ASB5: variants seen among roughly 807,000 people sequenced by gnomAD.
ASB5 encodes ankyrin repeat and SOCS box containing 5.
Under a neutral mutation model 42.1 loss-of-function variants are expected in ASB5, and 45 were observed. That is an observed-to-expected ratio of 1.07 (90% CI 0.84 to 1.37). ASB5 has a LOEUF of 1.37. Ranked by LOEUF, ASB5 falls within the 40% of genes most tolerant of loss-of-function variation. The pLI is 0.00. For missense variants in ASB5, 402 were observed against 399.8 expected (o/e 1.01, Z -0.05); for synonymous variants, 147 against 150.6 (o/e 0.98, Z 0.18).
In ASB5 at chr4:176,214,943, G is replaced by A. The variant is rs1040194738; in HGVS notation, c.*657C>T. ...TGTTCTAAATATCTCAGGGTGAGAG[G>A]GCAGTATTGACCTTTCATCCTATCA... On this transcript the variant is annotated 3_prime_UTR_variant, in exon 7 of 7. Transcript: ENST00000296525. 6.6e-6 allele frequency: 1 copy of A among 151,610 alleles called. No individual in the cohort carries two copies. Among genetic ancestry groups the A allele is most frequent in the Non-Finnish European group, 1.5e-5 (1 of 67,942 alleles). 9.4% of individuals were successfully genotyped at this position (151,610 alleles called of 1,614,324 possible).
intron 1 of ASB5, among the ~76,000 whole-genome samples, chr4:176,249,994 G>A (rs79673114): frequency 0.017 from 2,612 of 150,880 alleles, 82 homozygotes; most frequent in African/African-American, 0.058. Flanking sequence ...TAACCCGGGA[G>A]GCGGAGCTTG....
intron 1 of ASB5, among the ~76,000 whole-genome samples, chr4:176,251,577 A>AGGCTTT (rs1754036703): frequency 7.6e-6 from 1 of 131,154 alleles, no homozygotes; most frequent in African/African-American, 2.9e-5. Flanking sequence ...AAAAAAAAAA[A>AGGCTTT]AAAAAAAAAA....
At chr4:176,226,271 G>A (rs1047829341) in intron 1 of ASB5, among the ~76,000 whole-genome samples, 3 of 152,104 alleles carry the variant, frequency 2.0e-5, no homozygotes, top group Admixed American at 6.5e-5. Flanking sequence ...CACTCTCCTC[G>A]AGTTGGGACA....
At chr4:176,254,463 A>G (rs552292529) in intron 1 of ASB5, among the ~76,000 whole-genome samples, 1 of 152,250 alleles carries the variant, frequency 6.6e-6, no homozygotes, top group South Asian at 2.1e-4. Flanking sequence ...GAATCCTAGA[A>G]TAAAACCTAG....
At chr4:176,269,412 G>T (rs1287706515), upstream of ASB5, among the ~76,000 whole-genome samples, 1 of 152,074 alleles carries the variant, frequency 6.6e-6, no homozygotes, top group Admixed American at 6.5e-5. Flanking sequence ...AAATATATAT[G>T]CATATCCTTT....
chr4:176,215,038 G>C lies in ASB5; in HGVS notation c.*562C>G, dbSNP rs559783117. 287 of 151,038 alleles carry C rather than the reference G, an allele frequency of 1.9e-3. 3 individuals are homozygous for C. Among genetic ancestry groups the C allele is most frequent in the South Asian group, 3.3e-3 (16 of 4,808 alleles). The allele number at this position is 151,038 out of a possible 1,614,324, so 9.4% of individuals were successfully genotyped here. A position where few individuals can be genotyped will look rare whatever the true frequency, so the allele number is the denominator to read the frequency against. ...TGTGAGTCCTTTGCCAGGGGTAAGT[G>C]GGGGAGAGGGGGGCAATTTATCTTT... On this transcript the variant is annotated 3_prime_UTR_variant, in exon 7 of 7. Coordinates refer to ENST00000296525, the MANE Select transcript of ASB5 (RefSeq NM_080874.4).
rs145785774 is a variant in ASB5, at chr4:176,223,090, T to C, written c.277-670A>G. On this transcript the variant is annotated intron_variant, in intron 2 of 6. Transcript: ENST00000296525. ...ACCGCGCCCGGCCAACTTGTTTTGA[T>C]TGAGGCTATAAAATTATAGGTCAGC... Among the ~76,000 whole-genome samples, 562 of 152,274 alleles carry C rather than the reference T, an allele frequency of 3.7e-3. 4 individuals carry two copies. The highest frequency in any genetic ancestry group is 0.013 in the African/African-American group (531 of 41,560).
intron 6 of ASB5, 128 bp from the exon 7 acceptor site, chr4:176,215,855 A>C: frequency 1.3e-6 from 1 of 756,638 alleles, no homozygotes; most frequent in Non-Finnish European, 2.0e-6. Flanking sequence ...TGACCACTAT[A>C]CTAGGGAAAT....
At chr4:176,250,534 AT>A (rs1471414398) in intron 1 of ASB5, among the ~76,000 whole-genome samples, 5 of 152,294 alleles carry the variant, frequency 3.3e-5, no homozygotes, top group South Asian at 2.1e-4. Context: ...GAAAGCCCCA[AT>A]GGCTTTAGAA....
chr4:176,267,546 T>G (rs1385365961), intron 1 of ASB5, among the ~76,000 whole-genome samples: 1 of 152,040 alleles, frequency 6.6e-6, no homozygotes, highest in Admixed American at 6.6e-5. Flanking sequence ...GCCTAGGAGT[T>G]CAAGGATGCA....
chr4:176,242,263 G>A (rs9312595), intron 1 of ASB5, among the ~76,000 whole-genome samples: 125,616 of 152,136 alleles, frequency 0.83, 51,962 homozygotes, highest in Admixed American at 0.84. Context: ...GGTTACTTAT[G>A]CTTGACTTCA....
At chr4:176,223,422 T>G (rs1323106178) in intron 2 of ASB5, among the ~76,000 whole-genome samples, 1 of 152,222 alleles carries the variant, frequency 6.6e-6, no homozygotes, top group Non-Finnish European at 1.5e-5. Context: ...TAAACACTTT[T>G]TCACTGTATT....
chr4:176,215,429 A>G lies in ASB5; in HGVS notation c.*171T>C, dbSNP rs1579304568. On this transcript the variant is annotated 3_prime_UTR_variant, in exon 7 of 7. Transcript: ENST00000296525. ...CTATAATCCAAAGACAGCATAAATGATAAAACAATAGTACTAATACACTTA... is the reference window on the plus strand; with the variant it reads ...CTATAATCCAAAGACAGCATAAATGGTAAAACAATAGTACTAATACACTTA... The G allele has an allele frequency of 5.7e-6, 3 of 526,428 alleles. No homozygotes were observed. Among genetic ancestry groups the G allele is most frequent in the South Asian group, 4.6e-5 (1 of 21,846 alleles). 32.6% of individuals were successfully genotyped at this position (526,428 alleles called of 1,614,324 possible).
At chr4:176,217,525 A>T (rs1462291088) in intron 5 of ASB5, among the ~76,000 whole-genome samples, 1 of 152,048 alleles carries the variant, frequency 6.6e-6, no homozygotes, top group Non-Finnish European at 1.5e-5. Flanking sequence ...ATGTATATAG[A>T]TTTTCCTGCC....
At chr4:176,238,299 A>G (rs1753736748) in intron 1 of ASB5, among the ~76,000 whole-genome samples, 1 of 152,056 alleles carries the variant, frequency 6.6e-6, no homozygotes, top group African/African-American at 2.4e-5. Context: ...ATTGGCTTCA[A>G]TACAAAATCA....
intron 1 of ASB5, among the ~76,000 whole-genome samples, chr4:176,250,773 G>A (rs1278066919): frequency 6.6e-6 from 1 of 152,216 alleles, no homozygotes; most frequent in Non-Finnish European, 1.5e-5. Flanking sequence ...AAGGAAGACA[G>A]AAACAGATCT....
chr4:176,223,381 A>G (rs1753279145), intron 2 of ASB5, among the ~76,000 whole-genome samples: 1 of 152,234 alleles, frequency 6.6e-6, no homozygotes, highest in Non-Finnish European at 1.5e-5. Context: ...TGAAGACATC[A>G]TTTTATTGTA....
At chr4:176,276,423 T>C (rs1293005136) in intron 1 of ASB5, among the ~76,000 whole-genome samples, 1 of 152,304 alleles carries the variant, frequency 6.6e-6, no homozygotes, top group South Asian at 2.1e-4. Flanking sequence ...CCCTCTGGTG[T>C]TAGGAAATAT....
At chr4:176,276,397 G>A (rs1321813259) in intron 1 of ASB5, among the ~76,000 whole-genome samples, 1 of 152,054 alleles carries the variant, frequency 6.6e-6, no homozygotes, top group African/African-American at 2.4e-5. Flanking sequence ...ACTATATAAA[G>A]GAAATCAATC....
Sources: gnomAD v4.1 joint callset for allele counts (sites outside exome capture counted in the v4.1 genomes callset) on GRCh38, gnomAD v4.1.1 for gene constraint, MANE v1.5 for transcripts, NCBI Gene and HGNC (gene_info 2026-07-23, HGNC 2026-07-21) for gene names.